Variants in TMEM135 observed in about 807,000 individuals in gnomAD.
The protein encoded by TMEM135 is peroxisomal membrane protein 52.
Under a neutral mutation model 60.3 loss-of-function variants are expected in TMEM135, and 30 were observed. The ratio of observed to expected loss-of-function variants is 0.50; its 90% CI spans 0.37 to 0.68. The LOEUF (loss-of-function observed/expected upper bound fraction) is 0.68, where lower values mean the gene tolerates loss of function less well. Ranked by LOEUF, TMEM135 falls within the 30% of genes least tolerant of loss-of-function variation. The pLI, the probability that TMEM135 is intolerant of heterozygous loss-of-function variation, is 0.00. For synonymous variants in TMEM135, 190 were observed against 186.7 expected, an observed-to-expected ratio of 1.02 and a Z score of -0.14; for missense variants, 468 against 548.8, an observed-to-expected ratio of 0.85 and a Z score of 1.47.
chr11:87,136,274 G>A (rs1938096540), intron 4 of TMEM135, among the ~76,000 whole-genome samples: 1 of 152,008 alleles, frequency 6.6e-6, no homozygotes, highest in Non-Finnish European at 1.5e-5. Flanking sequence ...TATCTATAGA[G>A]ATGAACATGT....
At chr11:87,078,447 A>T (rs1237755466) in intron 3 of TMEM135, among the ~76,000 whole-genome samples, 1 of 152,154 alleles carries the variant, frequency 6.6e-6, no homozygotes, top group African/African-American at 2.4e-5. Flanking sequence ...ATTGAGTTGT[A>T]AGGGTTCTTT....
chr11:87,223,161 C>CTT lies in TMEM135; in HGVS notation c.463-13459_463-13458dup, dbSNP rs34711550. Among the ~76,000 whole-genome samples, 499 of 133,726 alleles carry CTT rather than the reference C, an allele frequency of 3.7e-3. 12 individuals carry two copies. Among genetic ancestry groups the CTT allele is most frequent in the Middle Eastern group, 8.3e-3 (2 of 242 alleles). The allele number at this position is 133,726 out of a possible 152,430, so 87.7% of individuals were successfully genotyped here. ...CTGCAGTAAATGGAGTTGAAAAGCACTTTTTTTTTTTTTTTTTTTCTGAGA... is the reference window on the plus strand; with the variant it reads ...CTGCAGTAAATGGAGTTGAAAAGCACTTTTTTTTTTTTTTTTTTTTTCTGAGA... On this transcript the variant is annotated intron_variant, in intron 5 of 14. Transcript: ENST00000305494.
In TMEM135 at chr11:87,324,582, G is replaced by T; in HGVS notation, c.*3249G>T. 1 of 444,376 alleles carries T rather than the reference G, an allele frequency of 2.3e-6. No homozygotes were observed. Among genetic ancestry groups the T allele is most frequent in the Non-Finnish European group, 4.5e-6 (1 of 224,656 alleles). 27.5% of individuals were successfully genotyped at this position (444,376 alleles called of 1,614,324 possible). A position where few individuals can be genotyped will look rare whatever the true frequency, so the allele number is the denominator to read the frequency against. On this transcript the variant is annotated 3_prime_UTR_variant, in exon 15 of 15. Transcript: ENST00000305494. The stretch of plus-strand genomic sequence containing the variant: ...CAACAGGCATGTGCCACCATGCCTG[G>T]CTAATATTTATTTTATTTATTTTTT...
intron 6 of TMEM135, among the ~76,000 whole-genome samples, chr11:87,289,341 T>C (rs1413438927): frequency 1.3e-5 from 2 of 152,112 alleles, no homozygotes; most frequent in African/African-American, 4.8e-5. Flanking sequence ...TATGTATTAC[T>C]GTTAACTATA....
intron 12 of TMEM135, among the ~76,000 whole-genome samples, chr11:87,314,898 TA>T: frequency 6.6e-6 from 1 of 151,866 alleles, no homozygotes; most frequent in African/African-American, 2.4e-5. Context: ...AATTTCAGCA[TA>T]AAGACTCCTT....
Position 87,326,563 on chromosome 11 carries a change from G to A in TMEM135, c.*5230G>A, listed in dbSNP as rs559564466. On this transcript the variant is annotated 3_prime_UTR_variant, in exon 15 of 15. Coordinates refer to ENST00000305494, the MANE Select transcript of TMEM135 (RefSeq NM_022918.4). ...TATGGGATTGGATGCCAAAAGGAAT[G>A]GGAGAGAAGAGACTATAAACATATT... 8.8e-6 allele frequency: 4 copies of A among 453,938 alleles called. No individual in the cohort carries two copies. The highest frequency in any genetic ancestry group is 4.0e-5 in the African/African-American group (2 of 49,976). The allele number at this position is 453,938 out of a possible 1,614,324, so 28.1% of individuals were successfully genotyped here. A position where few individuals can be genotyped will look rare whatever the true frequency, so the allele number is the denominator to read the frequency against.
At chr11:87,131,051 G>A (rs1303019570) in intron 4 of TMEM135, among the ~76,000 whole-genome samples, 2 of 149,544 alleles carry the variant, frequency 1.3e-5, no homozygotes, top group Non-Finnish European at 3.0e-5. Flanking sequence ...CCTTCCTATT[G>A]TGCTGATAGG....
intron 5 of TMEM135, among the ~76,000 whole-genome samples, chr11:87,183,010 A>G (rs1939556706): frequency 6.6e-6 from 1 of 152,078 alleles, no homozygotes; most frequent in South Asian, 2.1e-4. Flanking sequence ...CATGTTTCCA[A>G]GAGTTGAGGT....
intron 6 of TMEM135, among the ~76,000 whole-genome samples, chr11:87,286,097 A>C (rs1942159687): frequency 6.6e-6 from 1 of 152,152 alleles, no homozygotes; most frequent in Admixed American, 6.5e-5. Flanking sequence ...CTAGACGCAG[A>C]ATGCTGATTG....
intron 1 of TMEM135, among the ~76,000 whole-genome samples, chr11:87,054,778 G>A (rs1276786622): frequency 6.6e-6 from 1 of 152,054 alleles, no homozygotes; most frequent in Admixed American, 6.6e-5. Context: ...AACCTTGAAA[G>A]AAATACACAT....
chr11:87,077,698 T>A (rs1856903304), intron 3 of TMEM135, among the ~76,000 whole-genome samples: 1 of 152,214 alleles, frequency 6.6e-6, no homozygotes, highest in African/African-American at 2.4e-5. Context: ...TCACAAACAA[T>A]TTTAGAACAC....
At chr11:87,196,505 T>A (rs1939960816) in intron 5 of TMEM135, among the ~76,000 whole-genome samples, 1 of 152,244 alleles carries the variant, frequency 6.6e-6, no homozygotes, top group African/African-American at 2.4e-5. Flanking sequence ...GTCCTAAAAA[T>A]TGTTGTCATT....
intron 4 of TMEM135, among the ~76,000 whole-genome samples, chr11:87,156,371 G>A (rs566990315): frequency 2.7e-4 from 41 of 152,130 alleles, no homozygotes; most frequent in African/African-American, 9.4e-4. Flanking sequence ...ATGAATTTCA[G>A]GATGGATTTT....
intron 4 of TMEM135, among the ~76,000 whole-genome samples, chr11:87,107,053 C>T (rs1220449493): frequency 6.6e-6 from 1 of 152,152 alleles, no homozygotes; most frequent in Non-Finnish European, 1.5e-5. Flanking sequence ...AGGGATCCAA[C>T]CCCATGATAC....
intron 10 of TMEM135, among the ~76,000 whole-genome samples, chr11:87,309,876 G>A (rs4944697): frequency 0.65 from 98,517 of 151,894 alleles, 32,374 homozygotes; most frequent in South Asian, 0.69. Context: ...ATATACTCGA[G>A]TGTGTAGACA....
chr11:87,298,147 T>G (rs1180880620), intron 7 of TMEM135, among the ~76,000 whole-genome samples: 1 of 152,202 alleles, frequency 6.6e-6, no homozygotes, highest in East Asian at 1.9e-4. Context: ...TGCTGTAAAT[T>G]TATAGCAAGT....
Position 87,217,752 on chromosome 11 carries a change from C to T in TMEM135, c.463-18886C>T, listed in dbSNP as rs556868916. 1.1e-4 allele frequency among the ~76,000 whole-genome samples: 16 copies of T among 151,742 alleles called. No individual in the cohort carries two copies. The South Asian group carries it at 2.3e-3, about 22-fold the overall frequency. ...TGAGTCGAGATCGTGCCATTGCACT[C>T]CAGCCTGGGCAACAAGAGTGAAACT... On this transcript the variant is annotated intron_variant, in intron 5 of 14. Coordinates refer to ENST00000305494, the MANE Select transcript of TMEM135 (RefSeq NM_022918.4).
chr11:87,252,312 T>C (rs1330574197), intron 6 of TMEM135, among the ~76,000 whole-genome samples: 1 of 152,020 alleles, frequency 6.6e-6, no homozygotes, highest in Admixed American at 6.5e-5. Flanking sequence ...TAAAATTGTC[T>C]GGGAAAAATT....
At chr11:87,072,066 T>G (rs1433851430) in intron 3 of TMEM135, among the ~76,000 whole-genome samples, 1 of 152,054 alleles carries the variant, frequency 6.6e-6, no homozygotes, top group African/African-American at 2.4e-5. Context: ...GATGATGTAC[T>G]CTTGTAGTCC....
Sources: gnomAD v4.1 joint callset for allele counts (sites outside exome capture counted in the v4.1 genomes callset) on GRCh38, gnomAD v4.1.1 for gene constraint, MANE v1.5 for transcripts, NCBI Gene and HGNC (gene_info 2026-07-23, HGNC 2026-07-21) for gene names.